ST6GALNAC2: variants seen among roughly 807,000 people sequenced by gnomAD.
ST6GALNAC2 encodes alpha-N-acetylgalactosaminide alpha-2,6-sialyltransferase 2.
In ST6GALNAC2, 42 loss-of-function variants were observed where a neutral mutation model predicts 38.7. The observed-to-expected ratio is 1.09, with a 90% confidence interval of 0.85 to 1.40. The LOEUF (loss-of-function observed/expected upper bound fraction) is 1.40, where lower values mean the gene tolerates loss of function less well. ST6GALNAC2 is among the 40% of genes most tolerant of loss of function. The pLI is 0.00. For synonymous variants in ST6GALNAC2, 233 were observed against 209.0 expected (o/e 1.11, Z -0.99); for missense variants, 506 against 481.7 (o/e 1.05, Z -0.47).
At position 76,573,466 on chromosome 17, in the gene ST6GALNAC2, C is replaced by T; in HGVS notation, c.362-103G>A. 1 of 1,145,640 alleles carries T rather than the reference C, an allele frequency of 8.7e-7. No individual in the cohort carries two copies. The highest frequency in any genetic ancestry group is 1.6e-5 in the African/African-American group (1 of 62,126). 71.0% of individuals were successfully genotyped at this position (1,145,640 alleles called of 1,614,324 possible). A position where few individuals can be genotyped will look rare whatever the true frequency, so the allele number is the denominator to read the frequency against. On this transcript the variant is annotated intron_variant, in intron 3 of 8. Coordinates refer to ENST00000225276, the MANE Select transcript of ST6GALNAC2 (RefSeq NM_006456.3). This position sits in a 1 kb window ranked among gnomAD's most constrained non-coding sequence, Gnocchi z 5.1. ...GTGCCCCATCTCCCCTGAGGCCTGA[C>T]CCTAGCCCCTCCCAAGAAGCACAGA... is the stretch of plus-strand genomic sequence containing the variant.
In ST6GALNAC2 at chr17:76,566,155, G is replaced by C. The variant is rs779716467; in HGVS notation, c.1074C>G (p.Ala358=). The part of the protein sequence containing the change: ...YANHDLSLEA[A]LWRDLHKAGI... ...CGGCCTTGTGCAGGTCCCTCCACAGGGCAGCTTCCAGGGACAGATCGTGGT... is the reference window on the plus strand; with the variant it reads ...CGGCCTTGTGCAGGTCCCTCCACAGCGCAGCTTCCAGGGACAGATCGTGGT... The change falls in exon 9 of 9, where the codon GCC becomes GCG. Residue 358 remains alanine (A), a synonymous_variant. Coordinates refer to ENST00000225276, the MANE Select transcript of ST6GALNAC2 (RefSeq NM_006456.3). The C allele has an allele frequency of 6.2e-7, 1 of 1,614,080 alleles. No individual in the cohort carries two copies. Among genetic ancestry groups the C allele is most frequent in the Non-Finnish European group, 8.5e-7 (1 of 1,180,030 alleles).
intron 2 of ST6GALNAC2, 79 bp from the exon 3 acceptor site, chr17:76,574,618 G>A: frequency 1.6e-6 from 2 of 1,256,954 alleles, no homozygotes; most frequent in Non-Finnish European, 2.2e-6. Context: ...CTGCAGGGGA[G>A]TTGCGAGTTG....
chr17:76,572,850 G>A, intron 4 of ST6GALNAC2, 75 bp from the exon 5 acceptor site: 1 of 1,560,194 alleles, frequency 6.4e-7, no homozygotes, highest in Non-Finnish European at 8.8e-7. Flanking sequence ...CCACGGCTCT[G>A]CCTGGCCTAT....
At chr17:76,568,614 C>T (rs1436449054) in intron 7 of ST6GALNAC2, 99 bp downstream of exon 7, 7 of 1,129,860 alleles carry the variant, frequency 6.2e-6, no homozygotes, top group African/African-American at 1.5e-5. Flanking sequence ...GGTTATCGGT[C>T]AGTGCGTGGG....
chr17:76,569,114 G>A, intron 6 of ST6GALNAC2: 1 of 198,930 alleles, frequency 5.0e-6, no homozygotes, highest in Non-Finnish European at 8.8e-6. Context: ...GGTAAGTAGA[G>A]TGAGTCAGGA....
At chr17:76,572,896 G>T in intron 4 of ST6GALNAC2, 121 bp from the exon 5 acceptor site, 1 of 1,245,110 alleles carries the variant, frequency 8.0e-7, no homozygotes, top group Non-Finnish European at 1.1e-6. Flanking sequence ...TTCTGCCCAT[G>T]GCAGTACCAG....
At chr17:76,585,317 C>G (rs1171373694) in intron 1 of ST6GALNAC2, among the ~76,000 whole-genome samples, 1 of 152,172 alleles carries the variant, frequency 6.6e-6, no homozygotes, top group African/African-American at 2.4e-5. Context: ...AGGGAGAGTT[C>G]CCGACAAAAA....
intron 1 of ST6GALNAC2, among the ~76,000 whole-genome samples, chr17:76,580,749 A>G (rs2075466444): frequency 1.3e-5 from 2 of 152,208 alleles, no homozygotes; most frequent in East Asian, 1.9e-4. Flanking sequence ...GTTTGTCTCA[A>G]AAAGAAAATA....
Position 76,574,428 on chromosome 17 carries a change from C to G in ST6GALNAC2, c.298G>C (p.Ala100Pro). Reference protein sequence around the residue: ...VLLWGDLFTPALWDRLSQHKA... With the variant: ...VLLWGDLFTPPLWDRLSQHKA... The stretch of plus-strand genomic sequence containing the variant: ...TGTTGGCTCAGGCGGTCCCAGAGCG[C>G]TGGGGTGAAGAGGTCCCCCCACAGC... The change falls in exon 3 of 9, where the codon GCG (alanine) becomes CCG (proline). Residue 100 changes from alanine to proline, a missense_variant. Ala to Pro is a conservative substitution (Grantham distance 27). Transcript: ENST00000225276. The G allele has an allele frequency of 1.9e-6, 3 of 1,613,900 alleles. No homozygotes were observed. Among genetic ancestry groups the G allele is most frequent in the Non-Finnish European group, 2.5e-6 (3 of 1,179,972 alleles).
At position 76,572,640 on chromosome 17, in the gene ST6GALNAC2, T is replaced by G. The variant is rs966196364; in HGVS notation, c.666A>C (p.Gly222=). ...GCATGCCCGCCAGAGGCCTCACCTG[T>G]CCTTGTGGCACGGAGGTGAAGCCCA... ...WNLGFTSVPQ[G]QDLQYIFIPS... is the part of the protein sequence containing the mutation. The change falls in exon 5 of 9, where the codon GGA becomes GGC. Residue 222 remains glycine, a synonymous_variant. Coordinates refer to ENST00000225276, the MANE Select transcript of ST6GALNAC2 (RefSeq NM_006456.3). 2.3e-5 allele frequency: 37 copies of G among 1,613,944 alleles called. No homozygotes were observed. Among genetic ancestry groups the G allele is most frequent in the African/African-American group, 4.0e-5 (3 of 74,932 alleles).
At chr17:76,577,063 C>CTTTTTTTTT (rs201269670) in intron 2 of ST6GALNAC2, among the ~76,000 whole-genome samples, 3 of 116,544 alleles carry the variant, frequency 2.6e-5, no homozygotes, top group African/African-American at 1.1e-4. Flanking sequence ...TCTTTTTTTT[C>CTTTTTTTTT]TTTTTTTTTT....
chr17:76,577,722 G>A (rs527350382), intron 2 of ST6GALNAC2, among the ~76,000 whole-genome samples: 50 of 151,992 alleles, frequency 3.3e-4, no homozygotes, highest in Middle Eastern at 3.4e-3. Context: ...ACAGGAGCCC[G>A]CCACCATGCC....
chr17:76,572,343 G>A (rs750313862), intron 5 of ST6GALNAC2, among the ~76,000 whole-genome samples: 25 of 152,324 alleles, frequency 1.6e-4, no homozygotes, highest in Non-Finnish European at 3.5e-4. Context: ...CCCCACACCA[G>A]TAAAACCATG....
At chr17:76,585,597 CG>C in intron 1 of ST6GALNAC2, 86 bp downstream of exon 1, 1 of 1,381,970 alleles carries the variant, frequency 7.2e-7, no homozygotes, top group Non-Finnish European at 9.3e-7. Context: ...CTGAGGGCTG[CG>C]GGCCGCCGGG....
chr17:76,583,870 C>T lies in ST6GALNAC2; in HGVS notation c.125+1814G>A, dbSNP rs972528353. Among the ~76,000 whole-genome samples, 15 of 148,994 alleles carry T rather than the reference C, an allele frequency of 1.0e-4. 1 individual carries two copies. Among genetic ancestry groups the T allele is most frequent in the Admixed American group, 8.8e-4 (13 of 14,840 alleles). Reference sequence around the variant, plus strand: ...GTCACCAGGCTGGAGTGCAGTGGCGCGATCTTGGCTCACTGCAAGCTCCAC... The same window carrying T: ...GTCACCAGGCTGGAGTGCAGTGGCGTGATCTTGGCTCACTGCAAGCTCCAC... On this transcript the variant is annotated intron_variant, in intron 1 of 8. Coordinates refer to ENST00000225276, the MANE Select transcript of ST6GALNAC2 (RefSeq NM_006456.3).
chr17:76,582,413 C>T (rs1188366103), intron 1 of ST6GALNAC2, among the ~76,000 whole-genome samples: 2 of 149,434 alleles, frequency 1.3e-5, no homozygotes, highest in Non-Finnish European at 3.0e-5. Flanking sequence ...AAGCAATCTG[C>T]CTGCCTCAGC....
chr17:76,577,739 A>T (rs954026213), intron 2 of ST6GALNAC2, among the ~76,000 whole-genome samples: 1 of 151,334 alleles, frequency 6.6e-6, no homozygotes, highest in Non-Finnish European at 1.5e-5. Flanking sequence ...TGCCTGCCTA[A>T]TTTTTTGTAT....
chr17:76,572,982 TGGC>T (rs1209376104), intron 4 of ST6GALNAC2, among the ~76,000 whole-genome samples: 1 of 152,160 alleles, frequency 6.6e-6, no homozygotes, highest in African/African-American at 2.4e-5. Context: ...GAGCTGGCCC[TGGC>T]GGCTGCTTCC....
chr17:76,572,706 A>G lies in ST6GALNAC2; in HGVS notation c.600T>C (p.Thr200=), dbSNP rs368780340. 2.8e-5 allele frequency: 45 copies of G among 1,614,058 alleles called. No homozygotes were observed. The highest frequency in any genetic ancestry group is 2.0e-4 in the East Asian group (9 of 44,894). Residue 200 remains threonine, a synonymous_variant, in exon 5 of 9, where the codon ACT becomes ACC. Transcript: ENST00000225276. ...VGTKTSFYGF[T]VNTMKNSLVS... ...CGAGGGAGTTCTTCATCGTGTTCAC[A>G]GTGAAACCATAGAAGGAAGTCTTGG...
Sources: allele counts gnomAD v4.1 joint callset (sites outside exome capture counted in the v4.1 genomes callset), GRCh38; gene constraint gnomAD v4.1.1; non-coding constraint Gnocchi (gnomAD v3.1); transcripts MANE v1.5; gene names NCBI Gene and HGNC (gene_info 2026-07-23, HGNC 2026-07-21).